The following PTPRK variants were observed in gnomAD, a reference collection of about 807,000 sequenced individuals.
The protein encoded by PTPRK is receptor-type tyrosine-protein phosphatase kappa.
PTPRK carries 75 observed loss-of-function variants against 178.0 expected under a neutral mutation model. That is an observed-to-expected ratio of 0.42 (90% CI 0.35 to 0.51). The LOEUF is 0.51. Ranked by LOEUF, PTPRK falls within the 20% of genes least tolerant of loss-of-function variation. The pLI, the probability that PTPRK is intolerant of heterozygous loss-of-function variation, is 0.02. For synonymous variants in PTPRK, 637 were observed against 620.6 expected, an observed-to-expected ratio of 1.03 and a Z score of -0.39; for missense variants, 1,441 against 1,797.8, an observed-to-expected ratio of 0.80 and a Z score of 3.59.
At chr6:128,262,527 C>T (rs1328664849) in intron 3 of PTPRK, among the ~76,000 whole-genome samples, 2 of 152,060 alleles carry the variant, frequency 1.3e-5, no homozygotes, top group Non-Finnish European at 2.9e-5. Flanking sequence ...TTTACTTAAT[C>T]TTTCATATAG....
intron 3 of PTPRK, among the ~76,000 whole-genome samples, chr6:128,314,815 C>T (rs1434507042): frequency 6.6e-6 from 1 of 151,458 alleles, no homozygotes; most frequent in Non-Finnish European, 1.5e-5. Flanking sequence ...ACAAAATGGC[C>T]TCTACTTTTT....
At chr6:128,486,159 T>A (rs186851022) in intron 1 of PTPRK, among the ~76,000 whole-genome samples, 101 of 152,066 alleles carry the variant, frequency 6.6e-4, no homozygotes, top group African/African-American at 2.1e-3. Flanking sequence ...TTTGTTTTTT[T>A]AAAAAAAACT....
intron 2 of PTPRK, among the ~76,000 whole-genome samples, chr6:128,385,080 T>C (rs1160657786): frequency 6.8e-6 from 1 of 147,990 alleles, no homozygotes; most frequent in African/African-American, 2.4e-5. Context: ...ACTATATTAA[T>C]ATAATTAATA....
chr6:127,993,068 A>C (rs115204130), intron 18 of PTPRK, among the ~76,000 whole-genome samples: 1 of 151,810 alleles, frequency 6.6e-6, no homozygotes, highest in Admixed American at 6.6e-5. Flanking sequence ...TTCTCATTTT[A>C]TCATCCAAAA....
Position 128,082,557 on chromosome 6 carries a change from T to C in PTPRK, c.1657A>G (p.Ser553Gly). The C allele has an allele frequency of 4.3e-6, 7 of 1,612,714 alleles. No individual in the cohort carries two copies. The highest frequency in any genetic ancestry group is 5.9e-6 in the Non-Finnish European group (7 of 1,178,850). ...AGATGCATAAAGACATGGTGTGTAC[T>C]GTTCCATAAATTTGATACAGTCTGG... is the stretch of plus-strand genomic sequence containing the variant. The part of the protein sequence containing the change: ...PPQTVSNLWN[S>G]THHVFMHLHP... The change falls in exon 10 of 30, where the codon AGT (serine) becomes GGT (glycine). Residue 553 changes from serine (S) to glycine (G), a missense_variant. Transcript: ENST00000368226.
chr6:128,337,311 G>C (rs1392416431), intron 2 of PTPRK, among the ~76,000 whole-genome samples: 1 of 152,104 alleles, frequency 6.6e-6, no homozygotes, highest in African/African-American at 2.4e-5. Flanking sequence ...CTCCATCAGT[G>C]GAAGTGTTGA....
intron 2 of PTPRK, among the ~76,000 whole-genome samples, chr6:128,367,493 A>AT (rs766402357): frequency 1.4e-4 from 21 of 152,134 alleles, no homozygotes; most frequent in Non-Finnish European, 2.8e-4. Flanking sequence ...CCAACCTGAC[A>AT]TAACTTGCAG....
intron 7 of PTPRK, among the ~76,000 whole-genome samples, chr6:128,142,797 A>T (rs556299734): frequency 8.3e-4 from 126 of 152,138 alleles, no homozygotes; most frequent in African/African-American, 2.8e-3. Flanking sequence ...TCATCTAAGT[A>T]TCCTGGTGTC....
chr6:128,003,053 C>G, intron 15 of PTPRK: 4 of 713,672 alleles, frequency 5.6e-6, no homozygotes, highest in Non-Finnish European at 9.5e-6. Flanking sequence ...GGGTTGAACA[C>G]AGTTGCTCTC....
At chr6:128,217,684 C>T (rs547486745) in intron 6 of PTPRK, among the ~76,000 whole-genome samples, 3 of 152,176 alleles carry the variant, frequency 2.0e-5, no homozygotes, top group South Asian at 2.1e-4. Flanking sequence ...CCTTCCAGCC[C>T]GTAGGCCTCG....
chr6:128,216,682 A>T (rs1809373273), intron 6 of PTPRK, among the ~76,000 whole-genome samples: 1 of 152,138 alleles, frequency 6.6e-6, no homozygotes, highest in Non-Finnish European at 1.5e-5. Context: ...GGTAAGGAAA[A>T]CCAGGCTTTG....
intron 2 of PTPRK, among the ~76,000 whole-genome samples, chr6:128,354,096 C>T (rs1833568333): frequency 6.6e-6 from 1 of 151,724 alleles, no homozygotes; most frequent in Non-Finnish European, 1.5e-5. Context: ...TAATGCTACC[C>T]TTGTTTTCTT....
intron 3 of PTPRK, among the ~76,000 whole-genome samples, chr6:128,249,186 A>G (rs1816026622): frequency 6.6e-6 from 1 of 152,112 alleles, no homozygotes; most frequent in Admixed American, 6.6e-5. Flanking sequence ...GTAGAAGAAC[A>G]AAGATAACTG....
chr6:128,375,550 G>A (rs1836948977), intron 2 of PTPRK, among the ~76,000 whole-genome samples: 1 of 152,072 alleles, frequency 6.6e-6, no homozygotes, highest in South Asian at 2.1e-4. Context: ...TGAGATTTTG[G>A]TGGGGACACA....
intron 2 of PTPRK, among the ~76,000 whole-genome samples, chr6:128,353,170 A>C (rs755036973): frequency 6.6e-6 from 1 of 152,248 alleles, no homozygotes; most frequent in Non-Finnish European, 1.5e-5. Flanking sequence ...TAAAATTTCA[A>C]TGAGATCACT....
At chr6:128,116,493 A>G (rs1484693775) in intron 7 of PTPRK, among the ~76,000 whole-genome samples, 1 of 152,240 alleles carries the variant, frequency 6.6e-6, no homozygotes, top group Non-Finnish European at 1.5e-5. Flanking sequence ...TGTCACAACC[A>G]AAGAGGGACA....
At chr6:128,441,689 AT>A (rs1390089965) in intron 1 of PTPRK, among the ~76,000 whole-genome samples, 1 of 152,218 alleles carries the variant, frequency 6.6e-6, no homozygotes, top group Non-Finnish European at 1.5e-5. Context: ...GCAAACAAGG[AT>A]TCACAAGATG....
chr6:128,498,705 G>A (rs993888124), intron 1 of PTPRK, among the ~76,000 whole-genome samples: 23 of 152,078 alleles, frequency 1.5e-4, no homozygotes, highest in African/African-American at 5.3e-4. Context: ...TTTGGATTAG[G>A]CCACAGAATA....
At chr6:128,311,423 G>A (rs1488514640) in intron 3 of PTPRK, among the ~76,000 whole-genome samples, 1 of 152,110 alleles carries the variant, frequency 6.6e-6, no homozygotes, top group African/African-American at 2.4e-5. Flanking sequence ...GAGTCAGACA[G>A]AAAAATCTCC....
Sources: gnomAD v4.1 joint callset for allele counts (sites outside exome capture counted in the v4.1 genomes callset) on GRCh38, gnomAD v4.1.1 for gene constraint, MANE v1.5 for transcripts, NCBI Gene and HGNC (gene_info 2026-07-23, HGNC 2026-07-21) for gene names.